The following CCNYL1 variants were observed in gnomAD, a reference collection of about 807,000 sequenced individuals.
The protein encoded by CCNYL1 is cyclin Y like 1, also known as cyclin-Y-like protein 1.
A neutral mutation model predicts 44.2 loss-of-function variants in CCNYL1; 16 were observed. The observed-to-expected ratio is 0.36, with a 90% CI of 0.25 to 0.55. The LOEUF is 0.55. Among genes scored for constraint, CCNYL1 ranks in the 20% least tolerant of loss-of-function variants. The probability of loss-of-function intolerance (pLI) is 0.85; values close to 1 mark genes in which losing one functional copy is unlikely to be tolerated. For synonymous variants in CCNYL1, 159 were observed against 163.2 expected (o/e 0.97, Z 0.20); for missense variants, 348 against 451.8 (o/e 0.77, Z 2.08).
chr2:207,719,911 G>A (rs1230146720), intron 1 of CCNYL1, among the ~76,000 whole-genome samples: 3 of 152,020 alleles, frequency 2.0e-5, no homozygotes, highest in Non-Finnish European at 4.4e-5. Context: ...GGTATGGTCA[G>A]GTGTGGTGGT....
intron 1 of CCNYL1, among the ~76,000 whole-genome samples, chr2:207,713,692 G>C (rs2105814624): frequency 6.6e-6 from 1 of 152,270 alleles, no homozygotes; most frequent in East Asian, 1.9e-4. Context: ...TTTAAACTTT[G>C]CTTGGACTCT....
At chr2:207,732,134 A>G (rs991420602) in intron 3 of CCNYL1, among the ~76,000 whole-genome samples, 9 of 152,114 alleles carry the variant, frequency 5.9e-5, no homozygotes, top group African/African-American at 2.2e-4. Flanking sequence ...GAATGAATGT[A>G]TTTGAATGAG....
At chr2:207,742,401 GT>G (rs1253244288) in intron 7 of CCNYL1, 59 bp downstream of exon 7, 1 of 1,445,022 alleles carries the variant, frequency 6.9e-7, no homozygotes, top group Non-Finnish European at 9.3e-7. Flanking sequence ...ACAGGGTATG[GT>G]CCTATTTTTC....
chr2:207,714,355 CTG>C (rs1035910940), intron 1 of CCNYL1: 3 of 382,888 alleles, frequency 7.8e-6, no homozygotes, highest in Non-Finnish European at 1.5e-5. Flanking sequence ...AAGAGTCTCA[CTG>C]TGTTGACCAG....
intron 1 of CCNYL1, among the ~76,000 whole-genome samples, chr2:207,715,769 A>G (rs1386365305): frequency 6.7e-6 from 1 of 149,018 alleles, no homozygotes; most frequent in African/African-American, 2.5e-5. Context: ...CTCTGCGCCC[A>G]GAGTTCAAGC....
At chr2:207,725,933 G>T (rs866063083) in intron 2 of CCNYL1, among the ~76,000 whole-genome samples, 13 of 152,330 alleles carry the variant, frequency 8.5e-5, no homozygotes, top group Non-Finnish European at 1.3e-4. Flanking sequence ...AATACTTGAA[G>T]TAATGGAGCA....
rs941365716 is a variant in CCNYL1 at position 207,730,268 on chromosome 2, C to T, written c.330+3392C>T. ...GGGACTCCAACTACATATTTTCAGC[C>T]GACCTTGCTGGCTTTTGTTTTGTGT... is the stretch of plus-strand genomic sequence containing the variant. On this transcript the variant is annotated intron_variant, in intron 3 of 9. Coordinates refer to ENST00000295414, the MANE Select transcript of CCNYL1 (RefSeq NM_001330218.2). Among the ~76,000 whole-genome samples the T allele has an allele frequency of 3.9e-5, 6 of 152,210 alleles. No homozygotes were observed. In the East Asian group the frequency reaches 7.7e-4, roughly 20 times the overall value.
At chr2:207,744,201 C>T (rs1262692474) in intron 7 of CCNYL1, among the ~76,000 whole-genome samples, 5 of 151,474 alleles carry the variant, frequency 3.3e-5, no homozygotes, top group Non-Finnish European at 5.9e-5. Context: ...GGCAGCCAGA[C>T]AAGTGCCAAG....
chr2:207,712,141 G>A, intron 1 of CCNYL1, 25 bp downstream of exon 1: 1 of 1,582,812 alleles, frequency 6.3e-7, no homozygotes, highest in Admixed American at 1.7e-5. Flanking sequence ...GATGCCATCC[G>A]CCCTCGGGCT....
intron 1 of CCNYL1, among the ~76,000 whole-genome samples, chr2:207,720,297 G>A (rs2091630833): frequency 6.6e-6 from 1 of 150,668 alleles, no homozygotes; most frequent in African/African-American, 2.4e-5. Context: ...TTTGGATACT[G>A]CCTTTTTTCC....
intron 5 of CCNYL1, among the ~76,000 whole-genome samples, chr2:207,739,310 G>A (rs977937949): frequency 6.6e-6 from 1 of 152,162 alleles, no homozygotes; most frequent in African/African-American, 2.4e-5. Context: ...TTCGCTCACT[G>A]TAACCTCTGC....
rs186962313 is a variant in CCNYL1, at chr2:207,727,478, C to T, written c.330+602C>T. On this transcript the variant is annotated intron_variant, in intron 3 of 9. Transcript: ENST00000295414. ...TCTTCCTAGCCTCCACTAGCTCACA[C>T]AGCCAAATGCAGTAGTAACCCTTGG... Among the ~76,000 whole-genome samples the T allele has an allele frequency of 7.2e-5, 11 of 152,298 alleles. No individual in the cohort carries two copies. In the East Asian group the frequency reaches 1.9e-3, roughly 27 times the overall value.
At position 207,753,725 on chromosome 2, in the gene CCNYL1, AT is replaced by A. The variant is rs772104404; in HGVS notation, c.*28del. ...AGGAGAAATGAGGGGTTATAACGTC[AT>A]GGGACCTTCATCTACAAAGACTGGA... On this transcript the variant is annotated 3_prime_UTR_variant, in exon 10 of 10. Transcript: ENST00000295414. The A allele has an allele frequency of 2.9e-6, 4 of 1,395,580 alleles. No homozygotes were observed. Among genetic ancestry groups the A allele is most frequent in the Non-Finnish European group, 4.0e-6 (4 of 989,200 alleles). The allele number at this position is 1,395,580 out of a possible 1,614,324, so 86.4% of individuals were successfully genotyped here.
At chr2:207,747,444 GTAA>G (rs754337064) in intron 8 of CCNYL1, among the ~76,000 whole-genome samples, 1 of 151,756 alleles carries the variant, frequency 6.6e-6, no homozygotes, top group South Asian at 2.1e-4. Context: ...GTTTTGATGT[GTAA>G]TAATCTGCTT....
chr2:207,731,777 CTA>C (rs1367644135), intron 3 of CCNYL1, among the ~76,000 whole-genome samples: 1 of 147,584 alleles, frequency 6.8e-6, no homozygotes. Flanking sequence ...GTGTCTCATG[CTA>C]TATATTGATT....
chr2:207,744,377 G>A lies in CCNYL1; in HGVS notation c.639+2035G>A, dbSNP rs1033506442. Among the ~76,000 whole-genome samples the A allele has an allele frequency of 7.9e-5, 12 of 151,792 alleles. No individual in the cohort carries two copies. The East Asian group carries it at 2.3e-3, about 30-fold the overall frequency. On this transcript the variant is annotated intron_variant, in intron 7 of 9. Coordinates refer to ENST00000295414, the MANE Select transcript of CCNYL1 (RefSeq NM_001330218.2). ...GGTTTTTTTTGTTTTGTTTTGTTTT[G>A]TTTTTGAGATGCGGAGTCTTGCTAT...
In CCNYL1 at chr2:207,753,832, T is replaced by A; in HGVS notation, c.*134T>A. On this transcript the variant is annotated 3_prime_UTR_variant, in exon 10 of 10. Transcript: ENST00000295414. ...AAAGATCTCAAATTCAAGAGACTCATGGACAACAAGGATTATACTCCACAG... is the reference window on the plus strand; with the variant it reads ...AAAGATCTCAAATTCAAGAGACTCAAGGACAACAAGGATTATACTCCACAG... 1.7e-6 allele frequency: 1 copy of A among 604,686 alleles called. No individual in the cohort carries two copies. The highest frequency in any genetic ancestry group is 2.9e-6 in the Non-Finnish European group (1 of 340,176). The allele number at this position is 604,686 out of a possible 1,614,324, so 37.5% of individuals were successfully genotyped here. A position where few individuals can be genotyped will look rare whatever the true frequency, so the allele number is the denominator to read the frequency against.
intron 2 of CCNYL1, 28 bp downstream of exon 2, chr2:207,724,902 A>C (rs761127930): frequency 1.3e-5 from 20 of 1,536,984 alleles, no homozygotes; most frequent in Non-Finnish European, 1.6e-5. Flanking sequence ...TTTCCTTCCA[A>C]GGAAAAGACT....
chr2:207,741,194 G>T lies in CCNYL1; in HGVS notation c.519+488G>T, dbSNP rs926372437. Among the ~76,000 whole-genome samples the T allele has an allele frequency of 3.9e-5, 6 of 152,082 alleles. 1 individual carries two copies. The highest frequency in any genetic ancestry group is 5.9e-5 in the Non-Finnish European group (4 of 68,030). On this transcript the variant is annotated intron_variant, in intron 6 of 9. Coordinates refer to ENST00000295414, the MANE Select transcript of CCNYL1 (RefSeq NM_001330218.2). ...GGCGTGAACGTGGAAGGCGGAGCTT[G>T]CAGTGAGCCAAGATCGCTCCACTGC...
Sources: allele counts gnomAD v4.1 joint callset (sites outside exome capture counted in the v4.1 genomes callset), GRCh38; gene constraint gnomAD v4.1.1; transcripts MANE v1.5; gene names NCBI Gene and HGNC (gene_info 2026-07-23, HGNC 2026-07-21).